The following JMJD1C variants were observed in gnomAD, a reference collection of about 807,000 sequenced individuals.
JMJD1C encodes jumonji domain-containing protein 1C.
In JMJD1C, 31 loss-of-function variants were observed where a neutral mutation model predicts 245.3. The observed-to-expected ratio is 0.13, with a 90% CI of 0.09 to 0.17. The LOEUF is 0.17. Ranked by LOEUF, JMJD1C falls within the 10% of genes least tolerant of loss-of-function variation. The pLI is 1.00. For synonymous variants in JMJD1C, 1,057 were observed against 1,017.4 expected, an observed-to-expected ratio of 1.04 and a Z score of -0.74; for missense variants, 2,691 against 3,000.2, an observed-to-expected ratio of 0.90 and a Z score of 2.41.
chr10:63,318,864 A>C (rs938368791), intron 2 of JMJD1C, among the ~76,000 whole-genome samples: 1 of 152,040 alleles, frequency 6.6e-6, no homozygotes, highest in Non-Finnish European at 1.5e-5. Flanking sequence ...TCAGTGCCTC[A>C]TCTAAACTTA....
chr10:63,184,494 A>G (rs762991366), intron 21 of JMJD1C, 114 bp downstream of exon 21: 10 of 848,478 alleles, frequency 1.2e-5, no homozygotes, highest in Middle Eastern at 2.3e-4. Flanking sequence ...CACCCGCCTT[A>G]GCCTCCCAAA....
chr10:63,193,659 T>TTTTTTTTG (rs1332603403), intron 14 of JMJD1C, 187 bp from the exon 15 acceptor site: 2 of 445,844 alleles, frequency 4.5e-6, no homozygotes, highest in African/African-American at 2.1e-5. Context: ...CAAATTTATG[T>TTTTTTTTG]TTTTTTTGTT....
intron 1 of JMJD1C, among the ~76,000 whole-genome samples, chr10:63,392,824 CAAAAA>C (rs991038264): frequency 1.7e-3 from 48 of 28,810 alleles, no homozygotes; most frequent in Non-Finnish European, 2.5e-3. Context: ...ACTTCGTCTC[CAAAAA>C]AAAAAAAAAA....
chr10:63,482,309 T>C (rs1264140479), intron 1 of JMJD1C, among the ~76,000 whole-genome samples: 1 of 152,182 alleles, frequency 6.6e-6, no homozygotes, highest in South Asian at 2.1e-4. Flanking sequence ...CTTGGTTAAA[T>C]GTCAGTATAA....
intron 22 of JMJD1C, among the ~76,000 whole-genome samples, chr10:63,179,415 A>T (rs1321948840): frequency 2.0e-5 from 3 of 151,724 alleles, no homozygotes; most frequent in Admixed American, 6.6e-5. Flanking sequence ...ATCTCAAAAA[A>T]AAAAAGAAAA....
At chr10:63,454,271 T>C (rs1164595901) in intron 1 of JMJD1C, among the ~76,000 whole-genome samples, 1 of 151,572 alleles carries the variant, frequency 6.6e-6, no homozygotes, top group African/African-American at 2.4e-5. Context: ...TTTTTTTTTT[T>C]CTTTTTCAGA....
At chr10:63,382,044 C>T (rs1000494088) in intron 1 of JMJD1C, among the ~76,000 whole-genome samples, 1 of 152,060 alleles carries the variant, frequency 6.6e-6, no homozygotes, top group East Asian at 1.9e-4. Context: ...AACACCATCT[C>T]TACCAAAAAT....
intron 2 of JMJD1C, among the ~76,000 whole-genome samples, chr10:63,327,253 A>G (rs1941628545): frequency 1.3e-5 from 2 of 152,188 alleles, no homozygotes; most frequent in Non-Finnish European, 2.9e-5. Context: ...TGAGAACACA[A>G]TAATAATAAT....
intron 3 of JMJD1C, chr10:63,223,126 T>A: frequency 2.2e-6 from 1 of 450,976 alleles, no homozygotes; most frequent in Non-Finnish European, 3.6e-6. Flanking sequence ...GTAAAGAAAT[T>A]ATCTGCAAAA....
chr10:63,265,910 A>G (rs1250878824), intron 2 of JMJD1C, among the ~76,000 whole-genome samples: 8 of 152,116 alleles, frequency 5.3e-5, no homozygotes, highest in Non-Finnish European at 4.4e-5. Flanking sequence ...AAAATATATA[A>G]CATTTTGTTA....
intron 2 of JMJD1C, among the ~76,000 whole-genome samples, chr10:63,365,029 C>T (rs9415695): frequency 0.04 from 6,141 of 152,300 alleles, 165 homozygotes; most frequent in Middle Eastern, 0.12. Context: ...TCACCGCTTA[C>T]TCCACTCCAT....
Position 63,465,579 on chromosome 10 carries a change from C to T in JMJD1C, c.84G>A (p.Trp28Ter). 1 of 1,609,260 alleles carries T rather than the reference C, an allele frequency of 6.2e-7. No homozygotes were observed. The highest frequency in any genetic ancestry group is 8.5e-7 in the Non-Finnish European group (1 of 1,179,832). Residue 28 changes from tryptophan to a stop codon, truncating the protein, a stop_gained, in exon 1 of 26, where the codon TGG becomes TGA. Coordinates refer to ENST00000399262, the MANE Select transcript of JMJD1C (RefSeq NM_032776.3). LOFTEE classifies it high-confidence loss of function. Reference sequence around the variant, plus strand: ...AGCTTCGCCAGCCGCGTCCGCTCTCCCAGCGCTCCGAACGTGCCTCGTCGC... The same window carrying T: ...AGCTTCGCCAGCCGCGTCCGCTCTCTCAGCGCTCCGAACGTGCCTCGTCGC... ...AVGDEARSERWESGRGWRSWR... is the reference protein window; with the variant it reads ...AVGDEARSER
chr10:63,181,972 T>C (rs1280225815), intron 22 of JMJD1C, among the ~76,000 whole-genome samples: 3 of 152,336 alleles, frequency 2.0e-5, no homozygotes, highest in South Asian at 2.1e-4. Context: ...TTATAGTCAA[T>C]AGTGTCAGTT....
chr10:63,257,632 T>A (rs2133705578), intron 3 of JMJD1C, among the ~76,000 whole-genome samples: 1 of 152,328 alleles, frequency 6.6e-6, no homozygotes, highest in East Asian at 1.9e-4. Context: ...TTATTGAATA[T>A]CACTTCTACT....
intron 3 of JMJD1C, chr10:63,222,664 G>T: frequency 6.5e-7 from 1 of 1,535,046 alleles, no homozygotes; most frequent in Non-Finnish European, 9.0e-7. Context: ...GGTGTGTAGA[G>T]GGAGTGGTGC....
intron 2 of JMJD1C, among the ~76,000 whole-genome samples, chr10:63,368,424 T>TCTTA (rs1352625128): frequency 6.6e-6 from 1 of 152,184 alleles, no homozygotes. Flanking sequence ...TACAAGCCTG[T>TCTTA]GAACTGAGAC....
intron 2 of JMJD1C, among the ~76,000 whole-genome samples, chr10:63,322,292 A>AC (rs1198821342): frequency 6.6e-6 from 1 of 152,084 alleles, no homozygotes; most frequent in Non-Finnish European, 1.5e-5. Context: ...AATTTTCAGA[A>AC]TTTTTTTCCT....
chr10:63,205,864 C>A (rs1846546886), intron 10 of JMJD1C, among the ~76,000 whole-genome samples: 1 of 152,084 alleles, frequency 6.6e-6, no homozygotes, highest in African/African-American at 2.4e-5. Flanking sequence ...TGCTCTGTTG[C>A]CCAGGCTGGA....
At chr10:63,300,180 T>A (rs1164247688) in intron 2 of JMJD1C, among the ~76,000 whole-genome samples, 1 of 152,200 alleles carries the variant, frequency 6.6e-6, no homozygotes, top group Non-Finnish European at 1.5e-5. Context: ...ACTCAGGCAG[T>A]CTGGTAAGAA....
Sources: allele counts gnomAD v4.1 joint callset (sites outside exome capture counted in the v4.1 genomes callset), GRCh38; gene constraint gnomAD v4.1.1; transcripts MANE v1.5; gene names NCBI Gene and HGNC (gene_info 2026-07-23, HGNC 2026-07-21).